TECRL: variants seen among roughly 807,000 people sequenced by gnomAD.
The protein encoded by TECRL is trans-2,3-enoyl-CoA reductase like, also known as trans-2,3-enoyl-CoA reductase-like.
Under a neutral mutation model 52.8 loss-of-function variants are expected in TECRL, and 63 were observed. The observed-to-expected ratio is 1.19, with a 90% confidence interval of 0.97 to 1.47. TECRL has a LOEUF of 1.47. TECRL is among the 40% of genes most tolerant of loss of function. The probability of loss-of-function intolerance (pLI) is 0.00; values close to 1 mark genes in which losing one functional copy is unlikely to be tolerated. For missense variants in TECRL, 482 were observed against 429.6 expected (o/e 1.12, Z -1.08); for synonymous variants, 164 against 141.9 (o/e 1.16, Z -1.10).
intron 2 of TECRL, among the ~76,000 whole-genome samples, chr4:64,350,478 T>G (rs1374812684): frequency 1.3e-5 from 2 of 152,228 alleles, no homozygotes; most frequent in African/African-American, 4.8e-5. Flanking sequence ...TCTGGATGTT[T>G]CTATGAAGGT....
rs149523830 is a variant in TECRL at position 64,362,190 on chromosome 4, A to C, written c.286+12982T>G. On this transcript the variant is annotated intron_variant, in intron 2 of 11. Transcript: ENST00000381210. ...TTTAAATATGAGCAAAACCTCAGAA[A>C]TGTGAGAATATGTAAAGAGACCAAA... Among the ~76,000 whole-genome samples, 438 of 152,266 alleles carry C rather than the reference A, an allele frequency of 2.9e-3. 4 individuals carry two copies. The highest frequency in any genetic ancestry group is 0.01 in the African/African-American group (417 of 41,584).
intron 8 of TECRL, among the ~76,000 whole-genome samples, chr4:64,291,065 G>C (rs1280411100): frequency 2.0e-5 from 3 of 152,050 alleles, no homozygotes; most frequent in African/African-American, 4.8e-5. Flanking sequence ...GGCTTTTGTG[G>C]CATGAACCTG....
Position 64,281,454 on chromosome 4 carries a change from T to C in TECRL, c.918+20A>G. 1 of 1,436,164 alleles carries C rather than the reference T, an allele frequency of 7.0e-7. No homozygotes were observed. Among genetic ancestry groups the C allele is most frequent in the Non-Finnish European group, 9.7e-7 (1 of 1,030,802 alleles). The allele number at this position is 1,436,164 out of a possible 1,614,324, so 89.0% of individuals were successfully genotyped here. A position where few individuals can be genotyped will look rare whatever the true frequency, so the allele number is the denominator to read the frequency against. On this transcript the variant is annotated intron_variant, in intron 10 of 11. Coordinates refer to ENST00000381210, the MANE Select transcript of TECRL (RefSeq NM_001010874.5). ...ATATCATGAATAGGATTCAAGCATT[T>C]ACATACATAAATAACATACCTCATA... is the stretch of plus-strand genomic sequence containing the variant.
intron 2 of TECRL, among the ~76,000 whole-genome samples, chr4:64,343,848 GA>G (rs1233740940): frequency 6.6e-6 from 1 of 151,768 alleles, no homozygotes; most frequent in South Asian, 2.1e-4. Flanking sequence ...GCCACGGAGA[GA>G]AAAAAATAAA....
chr4:64,349,307 A>G (rs984229936), intron 2 of TECRL, among the ~76,000 whole-genome samples: 5 of 151,734 alleles, frequency 3.3e-5, no homozygotes, highest in Non-Finnish European at 7.4e-5. Context: ...TAATTTTTGT[A>G]TTTTTAGTAG....
At position 64,284,339 on chromosome 4, in the gene TECRL, C is replaced by T. The variant is rs190728941; in HGVS notation, c.833-2780G>A. 1.5e-4 allele frequency among the ~76,000 whole-genome samples: 23 copies of T among 152,080 alleles called. No homozygotes were observed. In the East Asian group the frequency reaches 3.3e-3, roughly 22 times the overall value. The stretch of plus-strand genomic sequence containing the variant: ...TAGGAATCCTAGAGCAGATAGTCTA[C>T]GCAAGGTTGAAAAGAGAGTGCTTCT... On this transcript the variant is annotated intron_variant, in intron 9 of 11. Coordinates refer to ENST00000381210, the MANE Select transcript of TECRL (RefSeq NM_001010874.5).
In TECRL at chr4:64,278,052, GTGTATATATA is replaced by G. The variant is rs1170939451; in HGVS notation, c.*2010_*2019del. 6.6e-6 allele frequency: 1 copy of G among 151,218 alleles called. No individual in the cohort carries two copies. Among genetic ancestry groups the G allele is most frequent in the Non-Finnish European group, 1.5e-5 (1 of 67,658 alleles). The allele number at this position is 151,218 out of a possible 1,614,324, so 9.4% of individuals were successfully genotyped here. On this transcript the variant is annotated 3_prime_UTR_variant, in exon 12 of 12. Coordinates refer to ENST00000381210, the MANE Select transcript of TECRL (RefSeq NM_001010874.5). ...TTGAAATATGCATATATTTGTGTAT[GTGTATATATA>G]TGTGTATATATATACACATATACAC...
chr4:64,347,359 T>C (rs994720336), intron 2 of TECRL, among the ~76,000 whole-genome samples: 3 of 152,338 alleles, frequency 2.0e-5, no homozygotes, highest in Non-Finnish European at 2.9e-5. Flanking sequence ...CAGCTGCCCA[T>C]GTGACAACTT....
chr4:64,278,445 C>T lies in TECRL; in HGVS notation c.*1627G>A, dbSNP rs1456548347. On this transcript the variant is annotated 3_prime_UTR_variant, in exon 12 of 12. Coordinates refer to ENST00000381210, the MANE Select transcript of TECRL (RefSeq NM_001010874.5). Reference sequence around the variant, plus strand: ...ATGTCAAAACTTTAAAAAATATTTACTTTAAAAATCAGATACTTTTTAAAT... The same window carrying T: ...ATGTCAAAACTTTAAAAAATATTTATTTTAAAAATCAGATACTTTTTAAAT... 4.0e-6 allele frequency: 1 copy of T among 247,344 alleles called. No homozygotes were observed. Among genetic ancestry groups the T allele is most frequent in the East Asian group, 1.8e-4 (1 of 5,566 alleles). The allele number at this position is 247,344 out of a possible 1,614,324, so 15.3% of individuals were successfully genotyped here.
chr4:64,370,458 TAAC>T (rs1721898543), intron 2 of TECRL, among the ~76,000 whole-genome samples: 1 of 151,764 alleles, frequency 6.6e-6, no homozygotes, highest in Admixed American at 6.6e-5. Flanking sequence ...GGAAAAGCAA[TAAC>T]AAAATAAATT....
At chr4:64,329,293 T>C in intron 2 of TECRL, among the ~76,000 whole-genome samples, 1 of 151,974 alleles carries the variant, frequency 6.6e-6, no homozygotes, top group East Asian at 1.9e-4. Flanking sequence ...TAAACAAATT[T>C]ACCACACGTA....
intron 10 of TECRL, 25 bp from the exon 11 acceptor site, chr4:64,281,111 C>A: frequency 6.4e-7 from 1 of 1,571,140 alleles, no homozygotes; most frequent in Non-Finnish European, 8.7e-7. Context: ...CTTAAATTAG[C>A]ACATACATAA....
chr4:64,398,775 A>G (rs1438259069), intron 1 of TECRL, among the ~76,000 whole-genome samples: 1 of 152,210 alleles, frequency 6.6e-6, no homozygotes, highest in African/African-American at 2.4e-5. Context: ...TCGAGAGTTC[A>G]GAAGAAGAAA....
intron 2 of TECRL, among the ~76,000 whole-genome samples, chr4:64,342,988 A>T (rs1395254995): frequency 1.3e-5 from 2 of 152,114 alleles, no homozygotes; most frequent in East Asian, 3.9e-4. Flanking sequence ...TGTTGTGATC[A>T]CTAACAAAAC....
At chr4:64,327,244 G>A (rs140527638) in intron 3 of TECRL, among the ~76,000 whole-genome samples, 18 of 151,836 alleles carry the variant, frequency 1.2e-4, no homozygotes, top group Admixed American at 4.6e-4. Flanking sequence ...AGGACACTGC[G>A]ACAACTATAT....
At chr4:64,389,225 C>G (rs1458754165) in intron 1 of TECRL, among the ~76,000 whole-genome samples, 1 of 151,864 alleles carries the variant, frequency 6.6e-6, no homozygotes, top group Admixed American at 6.6e-5. Context: ...GAGTTTTTCA[C>G]CATTAAAAAT....
chr4:64,289,035 T>C (rs1723232707), intron 9 of TECRL, among the ~76,000 whole-genome samples: 1 of 152,152 alleles, frequency 6.6e-6, no homozygotes, highest in Non-Finnish European at 1.5e-5. Context: ...GGGTAGAAAA[T>C]GCTTTTCAAG....
chr4:64,393,155 A>G (rs1723665761), intron 1 of TECRL, among the ~76,000 whole-genome samples: 1 of 152,012 alleles, frequency 6.6e-6, no homozygotes, highest in African/African-American at 2.4e-5. Flanking sequence ...TCTGTGATAT[A>G]ATTGATAGTA....
At chr4:64,393,281 C>A (rs546475647) in intron 1 of TECRL, among the ~76,000 whole-genome samples, 2 of 152,104 alleles carry the variant, frequency 1.3e-5, no homozygotes, top group African/African-American at 4.8e-5. Context: ...TTTACATTTT[C>A]TTATTTGCAA....
Sources: allele counts gnomAD v4.1 joint callset (sites outside exome capture counted in the v4.1 genomes callset), GRCh38; gene constraint gnomAD v4.1.1; transcripts MANE v1.5; gene names NCBI Gene and HGNC (gene_info 2026-07-23, HGNC 2026-07-21).